Variants in NELL2 observed in about 807,000 individuals in gnomAD.
The protein encoded by NELL2 is neural EGFL like 2.
Under a neutral mutation model 109.6 loss-of-function variants are expected in NELL2, and 41 were observed. That is an observed-to-expected ratio of 0.37 (90% CI 0.29 to 0.49). NELL2 has a LOEUF of 0.49. Among genes scored for constraint, NELL2 ranks in the 20% least tolerant of loss-of-function variants. The pLI is 0.98. For synonymous variants in NELL2, 355 were observed against 344.7 expected (o/e 1.03, Z -0.33); for missense variants, 900 against 1,008.3 (o/e 0.89, Z 1.45).
chr12:44,863,330 C>A (rs985954108), intron 2 of NELL2, among the ~76,000 whole-genome samples: 1 of 152,072 alleles, frequency 6.6e-6, no homozygotes, highest in Non-Finnish European at 1.5e-5. Flanking sequence ...CAATCAGATT[C>A]AATCCAAATA....
chr12:44,754,647 A>T (rs1323521784), intron 9 of NELL2, among the ~76,000 whole-genome samples: 1 of 152,202 alleles, frequency 6.6e-6, no homozygotes, highest in Non-Finnish European at 1.5e-5. Context: ...GTATATTGGA[A>T]AAAAGATAAA....
intron 3 of NELL2, among the ~76,000 whole-genome samples, chr12:44,808,868 G>GA (rs1467627080): frequency 3.9e-5 from 6 of 151,932 alleles, no homozygotes; most frequent in African/African-American, 1.4e-4. Flanking sequence ...TAAGAGGATA[G>GA]AAAAATCTCA....
At chr12:44,552,520 T>C (rs1286017784) in intron 15 of NELL2, among the ~76,000 whole-genome samples, 1 of 152,168 alleles carries the variant, frequency 6.6e-6, no homozygotes. Flanking sequence ...ACAGGTCTCT[T>C]GCAATGAAGA....
chr12:44,707,654 T>TA (rs1170760346), intron 11 of NELL2, among the ~76,000 whole-genome samples: 1 of 152,042 alleles, frequency 6.6e-6, no homozygotes, highest in Non-Finnish European at 1.5e-5. Flanking sequence ...TGGATGAACA[T>TA]AAAAAAATAC....
intron 12 of NELL2, 27 bp downstream of exon 12, chr12:44,703,699 T>C (rs970403217): frequency 1.9e-6 from 3 of 1,611,770 alleles, no homozygotes; most frequent in Non-Finnish European, 2.5e-6. Context: ...TTTATACAGC[T>C]GAGCTACACA....
chr12:44,873,238 T>C (rs1945215658), intron 2 of NELL2, among the ~76,000 whole-genome samples: 1 of 152,318 alleles, frequency 6.6e-6, no homozygotes, highest in Admixed American at 6.5e-5. Context: ...AGGCATTTAC[T>C]CTGTCTAAAT....
upstream of NELL2, among the ~76,000 whole-genome samples, chr12:44,880,114 T>TAC (rs747220208): frequency 0.063 from 8,613 of 136,978 alleles, 476 homozygotes; most frequent in African/African-American, 0.15. Flanking sequence ...TCAAGAAACA[T>TAC]ACACACACAC....
chr12:44,558,968 G>A (rs940233127), intron 15 of NELL2, among the ~76,000 whole-genome samples: 1 of 152,116 alleles, frequency 6.6e-6, no homozygotes, highest in Non-Finnish European at 1.5e-5. Flanking sequence ...AGTCTACCTG[G>A]GAAGCTCGAG....
chr12:44,637,523 G>A (rs1382899440), intron 13 of NELL2, among the ~76,000 whole-genome samples: 1 of 136,318 alleles, frequency 7.3e-6, no homozygotes, highest in East Asian at 2.2e-4. Flanking sequence ...CGAATAACAG[G>A]GAGACCAACA....
intron 11 of NELL2, among the ~76,000 whole-genome samples, chr12:44,704,315 A>T (rs1370982465): frequency 1.4e-5 from 2 of 139,990 alleles, no homozygotes; most frequent in African/African-American, 5.0e-5. Flanking sequence ...ACAGCTTAGC[A>T]TCCAAAAAAA....
chr12:44,876,414 G>A, upstream of NELL2: 2 of 1,272,414 alleles, frequency 1.6e-6, no homozygotes, highest in Non-Finnish European at 2.0e-6. Context: ...GCCGCCGAGG[G>A]CGAGGCCGGC....
chr12:44,580,279 T>C (rs1944274865), intron 15 of NELL2, among the ~76,000 whole-genome samples: 1 of 152,092 alleles, frequency 6.6e-6, no homozygotes, highest in African/African-American at 2.4e-5. Flanking sequence ...TTCACATTGA[T>C]TCAAGGGAAA....
intron 2 of NELL2, among the ~76,000 whole-genome samples, chr12:44,870,163 C>G (rs1945122424): frequency 6.6e-6 from 1 of 152,130 alleles, no homozygotes; most frequent in Admixed American, 6.6e-5. Flanking sequence ...AATGTCTATA[C>G]CTAACCAATG....
intron 15 of NELL2, among the ~76,000 whole-genome samples, chr12:44,556,756 T>C (rs1194723973): frequency 6.6e-6 from 1 of 152,200 alleles, no homozygotes; most frequent in Non-Finnish European, 1.5e-5. Flanking sequence ...CCAGAAACGC[T>C]ATGCAAAGCA....
At chr12:44,509,403 T>G (rs1224245296) in intron 19 of NELL2, among the ~76,000 whole-genome samples, 3 of 152,030 alleles carry the variant, frequency 2.0e-5, no homozygotes, top group Admixed American at 6.6e-5. Flanking sequence ...GCTAGAAAGG[T>G]GCTATGAACT....
intron 2 of NELL2, among the ~76,000 whole-genome samples, chr12:44,849,871 G>A (rs893495830): frequency 2.0e-5 from 3 of 152,086 alleles, no homozygotes; most frequent in Non-Finnish European, 2.9e-5. Context: ...TAACTTAAGT[G>A]AAAAAAGCCA....
In NELL2 at chr12:44,571,231, C is replaced by A. The variant is rs936687498; in HGVS notation, c.1663+35938G>T. On this transcript the variant is annotated intron_variant, in intron 15 of 19. Coordinates refer to ENST00000429094, the MANE Select transcript of NELL2 (RefSeq NM_001145108.2). ...ATGGTAGAGTAGTAAATGGGGCAATCGTTAAAGAGTTTCAGCTTTTATTCT... is the reference window on the plus strand; with the variant it reads ...ATGGTAGAGTAGTAAATGGGGCAATAGTTAAAGAGTTTCAGCTTTTATTCT... Among the ~76,000 whole-genome samples the A allele has an allele frequency of 7.9e-5, 12 of 152,118 alleles. No homozygotes were observed. In the South Asian group the frequency reaches 8.3e-4, roughly 11 times the overall value.
chr12:44,722,677 T>C (rs1392308081), intron 9 of NELL2, among the ~76,000 whole-genome samples: 1 of 152,188 alleles, frequency 6.6e-6, no homozygotes, highest in Non-Finnish European at 1.5e-5. Flanking sequence ...TGATTTAGCA[T>C]GATTTAAATC....
intron 13 of NELL2, among the ~76,000 whole-genome samples, chr12:44,629,279 T>C (rs1291017115): frequency 6.6e-6 from 1 of 152,220 alleles, no homozygotes; most frequent in Middle Eastern, 3.2e-3. Context: ...AAAATCATTT[T>C]GAAATAATCT....
Sources: allele counts gnomAD v4.1 joint callset (sites outside exome capture counted in the v4.1 genomes callset), GRCh38; gene constraint gnomAD v4.1.1; transcripts MANE v1.5; gene names NCBI Gene and HGNC (gene_info 2026-07-23, HGNC 2026-07-21).